The following FAM13B variants were observed in gnomAD, a reference collection of about 807,000 sequenced individuals.
FAM13B encodes the protein family with sequence similarity 13 member B, also known as protein FAM13B.
In FAM13B, 60 loss-of-function variants were observed where a neutral mutation model predicts 117.3. The ratio of observed to expected loss-of-function variants is 0.51; its 90% CI spans 0.42 to 0.63. The LOEUF is 0.63. Ranked by LOEUF, FAM13B falls within the 30% of genes least tolerant of loss-of-function variation. The pLI is 0.00. For synonymous variants in FAM13B, 332 were observed against 356.1 expected (o/e 0.93, Z 0.76); for missense variants, 972 against 1,091.9 (o/e 0.89, Z 1.55).
At chr5:138,028,413 G>A (rs1043937325) in intron 1 of FAM13B, among the ~76,000 whole-genome samples, 5 of 152,004 alleles carry the variant, frequency 3.3e-5, no homozygotes, top group African/African-American at 9.7e-5. Flanking sequence ...GGTATTATGC[G>A]TAATTCTACA....
At chr5:137,944,304 T>C (rs996347181) in intron 20 of FAM13B, among the ~76,000 whole-genome samples, 1 of 152,170 alleles carries the variant, frequency 6.6e-6, no homozygotes, top group African/African-American at 2.4e-5. Flanking sequence ...ACTAGGTATA[T>C]ATATCCAAAA....
At chr5:137,960,259 C>T (rs1767784878) in intron 11 of FAM13B, 45 bp from the exon 12 acceptor site, 3 of 1,119,158 alleles carry the variant, frequency 2.7e-6, no homozygotes, top group South Asian at 1.4e-5. Context: ...AATAAAAAGG[C>T]TACTATCATT....
Position 137,962,451 on chromosome 5 carries a change from C to T in FAM13B, c.1198G>A (p.Glu400Lys), listed in dbSNP as rs1768403449. ...CTATCACCACGGTCACTGCATGGCTCTAACAATATACCTACAGACTGACAA... is the reference window on the plus strand; with the variant it reads ...CTATCACCACGGTCACTGCATGGCTTTAACAATATACCTACAGACTGACAA... ...ENTQSVGILLEPCSDRGDSED... is the reference protein window; with the variant it reads ...ENTQSVGILLKPCSDRGDSED... Residue 400 changes from glutamate to lysine, a missense_variant, in exon 11 of 24, where the codon GAG becomes AAG. Glu to Lys is a moderately conservative substitution (Grantham distance 56). Transcript: ENST00000689681. 1 of 1,613,626 alleles carries T rather than the reference C, an allele frequency of 6.2e-7. No homozygotes were observed. Among genetic ancestry groups the T allele is most frequent in the Non-Finnish European group, 8.5e-7 (1 of 1,179,726 alleles).
intron 1 of FAM13B, among the ~76,000 whole-genome samples, chr5:138,023,081 C>A (rs953550797): frequency 2.0e-5 from 3 of 152,136 alleles, no homozygotes; most frequent in Admixed American, 6.5e-5. Flanking sequence ...GCTGGGATTA[C>A]AGGTGTGAGC....
intron 7 of FAM13B, among the ~76,000 whole-genome samples, chr5:137,998,286 G>A (rs1347641339): frequency 6.6e-6 from 1 of 152,198 alleles, no homozygotes; most frequent in Non-Finnish European, 1.5e-5. Context: ...AAGTAATACT[G>A]TGGCCACTGC....
intron 20 of FAM13B, among the ~76,000 whole-genome samples, chr5:137,944,819 G>A (rs1257796825): frequency 6.6e-6 from 1 of 151,738 alleles, no homozygotes; most frequent in East Asian, 1.9e-4. Context: ...GTAGGTGGAG[G>A]CCATTATCCT....
At chr5:138,040,563 G>A (rs954803592) in intron 1 of FAM13B, among the ~76,000 whole-genome samples, 5 of 151,360 alleles carry the variant, frequency 3.3e-5, no homozygotes, top group African/African-American at 4.9e-5. Flanking sequence ...CGTAGACACC[G>A]TCTCAAAAAC....
intron 11 of FAM13B, 33 bp downstream of exon 11, chr5:137,962,372 A>C (rs759407525): frequency 4.4e-6 from 7 of 1,598,622 alleles, no homozygotes; most frequent in Non-Finnish European, 6.0e-6. Flanking sequence ...CAATTCTCAA[A>C]ATGATTAATT....
intron 7 of FAM13B, 34 bp from the exon 8 acceptor site, chr5:137,988,349 G>T (rs1228446893): frequency 1.3e-6 from 2 of 1,532,604 alleles, no homozygotes; most frequent in African/African-American, 2.9e-5. Flanking sequence ...CTATAAAAAT[G>T]TTCAATACTT....
At chr5:137,981,228 G>C (rs1349809569) in intron 10 of FAM13B, among the ~76,000 whole-genome samples, 1 of 151,840 alleles carries the variant, frequency 6.6e-6, no homozygotes, top group Non-Finnish European at 1.5e-5. Context: ...ATGAGCCACT[G>C]TGAGTAGCCC....
Position 138,033,043 on chromosome 5 carries a change from C to T in FAM13B, c.-464G>A. On this transcript the variant is annotated 5_prime_UTR_variant, in exon 1 of 24. Coordinates refer to ENST00000689681, the MANE Select transcript of FAM13B (RefSeq NM_001385994.1). ...GGCGACAGAGGCGGCGGCTGAGGTG[C>T]AGAGCCTCCCTAACGGCGAGCGGGA... is the stretch of plus-strand genomic sequence containing the variant. The T allele has an allele frequency of 5.1e-6, 5 of 986,666 alleles. No homozygotes were observed. The highest frequency in any genetic ancestry group is 5.2e-4 in the Middle Eastern group (1 of 1,920). The allele number at this position is 986,666 out of a possible 1,614,324, so 61.1% of individuals were successfully genotyped here.
In FAM13B at chr5:138,006,985, A is replaced by G; in HGVS notation, c.848+5T>C. The G allele has an allele frequency of 6.2e-7, 1 of 1,600,582 alleles. No homozygotes were observed. Among genetic ancestry groups the G allele is most frequent in the Non-Finnish European group, 8.5e-7 (1 of 1,176,296 alleles). ...AAGCTAAAGTTCATTCAACTGAGCT[A>G]TTACCTTGTTGCCGTAACACTATTT... On this transcript the variant is annotated splice_donor_5th_base_variant and intron_variant, in intron 7 of 23. Transcript: ENST00000689681.
intron 7 of FAM13B, among the ~76,000 whole-genome samples, chr5:137,990,916 A>C (rs1204423589): frequency 2.0e-5 from 3 of 152,192 alleles, no homozygotes; most frequent in East Asian, 3.8e-4. Flanking sequence ...ATGAGTAAAA[A>C]TTTCTTATGG....
At chr5:138,010,206 CCT>C (rs1318042933) in intron 6 of FAM13B, among the ~76,000 whole-genome samples, 4 of 152,142 alleles carry the variant, frequency 2.6e-5, no homozygotes, top group Non-Finnish European at 4.4e-5. Flanking sequence ...GTCTCAAACC[CCT>C]GACCTCAGCT....
At chr5:138,042,985 G>A (rs569359498) in intron 1 of FAM13B, among the ~76,000 whole-genome samples, 5 of 152,128 alleles carry the variant, frequency 3.3e-5, no homozygotes, top group Non-Finnish European at 5.9e-5. Flanking sequence ...CCAGCTACTC[G>A]GGAGGCTGAG....
chr5:138,032,395 T>C (rs959563923), intron 1 of FAM13B, among the ~76,000 whole-genome samples: 2 of 152,342 alleles, frequency 1.3e-5, no homozygotes, highest in Admixed American at 1.3e-4. Context: ...TCAACTTCAC[T>C]GCCCAGCATG....
intron 6 of FAM13B, among the ~76,000 whole-genome samples, chr5:138,009,821 A>AG (rs1476866244): frequency 1.3e-5 from 2 of 148,628 alleles, no homozygotes; most frequent in South Asian, 2.2e-4. Flanking sequence ...AAAAAAAAAA[A>AG]GGGTTGGGGC....
intron 7 of FAM13B, among the ~76,000 whole-genome samples, chr5:138,003,310 A>G (rs1180233075): frequency 6.6e-6 from 1 of 152,190 alleles, no homozygotes; most frequent in Non-Finnish European, 1.5e-5. Context: ...TAACATTTTC[A>G]TAAATAAATA....
At chr5:138,050,840 C>T (rs1004713704) in intron 1 of FAM13B, among the ~76,000 whole-genome samples, 1 of 152,198 alleles carries the variant, frequency 6.6e-6, no homozygotes, top group African/African-American at 2.4e-5. Context: ...TAGACAAGTA[C>T]TTACAGAGGG....
Sources: gnomAD v4.1 joint callset for allele counts (sites outside exome capture counted in the v4.1 genomes callset) on GRCh38, gnomAD v4.1.1 for gene constraint, MANE v1.5 for transcripts, NCBI Gene and HGNC (gene_info 2026-07-23, HGNC 2026-07-21) for gene names.